Variants in TSEN2 observed in about 807,000 individuals in gnomAD.
TSEN2 encodes tRNA splicing endonuclease subunit 2.
In TSEN2, 54 loss-of-function variants were observed where a neutral mutation model predicts 59.2. The observed-to-expected ratio is 0.91, with a 90% CI of 0.73 to 1.14. The LOEUF is 1.14. TSEN2 is among the 50% of genes most tolerant of loss of function. The pLI, the probability that TSEN2 is intolerant of heterozygous loss-of-function variation, is 0.00. For synonymous variants in TSEN2, 195 were observed against 198.2 expected, an observed-to-expected ratio of 0.98 and a Z score of 0.14; for missense variants, 636 against 576.2, an observed-to-expected ratio of 1.10 and a Z score of -1.06.
At chr3:12,501,698 C>T (rs1450408871) in intron 4 of TSEN2, among the ~76,000 whole-genome samples, 1 of 151,992 alleles carries the variant, frequency 6.6e-6, no homozygotes, top group East Asian at 1.9e-4. Flanking sequence ...GCTGCCGCAT[C>T]GAGCACTGTT....
intron 10 of TSEN2, chr3:12,530,304 C>T (rs2057380916): frequency 1.0e-6 from 1 of 991,684 alleles, no homozygotes; most frequent in Non-Finnish European, 1.2e-6. Flanking sequence ...TTGCTAAGCA[C>T]TTTCCCACCC....
intron 6 of TSEN2, chr3:12,511,219 T>C (rs895977835): frequency 1.3e-5 from 2 of 152,200 alleles, no homozygotes; most frequent in Non-Finnish European, 2.9e-5. Flanking sequence ...TAGGGCGTTA[T>C]TAATTTTTAA....
At position 12,503,519 on chromosome 3, in the gene TSEN2, C is replaced by T; in HGVS notation, c.566C>T (p.Pro189Leu). The T allele has an allele frequency of 6.2e-7, 1 of 1,613,670 alleles. No individual in the cohort carries two copies. Among genetic ancestry groups the T allele is most frequent in the South Asian group, 1.1e-5 (1 of 91,078 alleles). ...KSGGVGDPRE[P>L]LGCLQEGSGC... is the part of the protein sequence containing the mutation. ...GGTGGTGTGGGTGATCCCCGTGAGC[C>T]ATTAGGCTGCCTGCAGGAGGGCTCT... The change falls in exon 5 of 12, where the codon CCA (proline) becomes CTA (leucine). Residue 189 changes from proline to leucine, a missense_variant. Transcript: ENST00000284995.
chr3:12,517,912 T>C (rs3796326), intron 7 of TSEN2, among the ~76,000 whole-genome samples: 2,835 of 152,106 alleles, frequency 0.019, 46 homozygotes, highest in South Asian at 0.06. Context: ...CACACAGGTA[T>C]GGAATTTTTG....
intron 6 of TSEN2, among the ~76,000 whole-genome samples, chr3:12,515,505 C>T (rs1247324627): frequency 6.6e-6 from 1 of 152,200 alleles, no homozygotes; most frequent in Admixed American, 6.5e-5. Context: ...CCCCATTTTA[C>T]CACTGGCTAC....
chr3:12,515,541 C>G lies in TSEN2; in HGVS notation c.910-1070C>G, dbSNP rs556245316. On this transcript the variant is annotated intron_variant, in intron 6 of 11. Coordinates refer to ENST00000284995, the MANE Select transcript of TSEN2 (RefSeq NM_025265.4). ...CATTTGGTCACTACCTGCTCTGCAC[C>G]AATCTCATGGGAATCCCTTCAGTGG... Among the ~76,000 whole-genome samples, 5 of 152,308 alleles carry G rather than the reference C, an allele frequency of 3.3e-5. No individual in the cohort carries two copies. The East Asian group carries it at 9.6e-4, about 29-fold the overall frequency.
chr3:12,492,875 G>A (rs2053361921), intron 3 of TSEN2, among the ~76,000 whole-genome samples: 2 of 152,134 alleles, frequency 1.3e-5, no homozygotes, highest in Non-Finnish European at 2.9e-5. Flanking sequence ...CCCTCATGGA[G>A]GTGAATTTGG....
upstream of TSEN2, among the ~76,000 whole-genome samples, chr3:12,484,042 C>T (rs948661593): frequency 7.2e-5 from 11 of 152,320 alleles, no homozygotes; most frequent in Admixed American, 2.0e-4. Flanking sequence ...CTTGCAAGTT[C>T]CCCGCATGCT....
At chr3:12,482,366 C>G (rs2052202620), upstream of TSEN2, among the ~76,000 whole-genome samples, 1 of 152,166 alleles carries the variant, frequency 6.6e-6, no homozygotes, top group Admixed American at 6.5e-5. Flanking sequence ...GGTGATCCAC[C>G]CGCCTCAGCC....
intron 3 of TSEN2, among the ~76,000 whole-genome samples, chr3:12,494,467 G>A (rs2053540342): frequency 6.6e-6 from 1 of 152,174 alleles, no homozygotes; most frequent in African/African-American, 2.4e-5. Context: ...TCCGATCTCA[G>A]CTCACTGCAT....
intron 6 of TSEN2, among the ~76,000 whole-genome samples, chr3:12,509,911 A>G (rs1385127464): frequency 2.0e-5 from 3 of 152,184 alleles, no homozygotes; most frequent in Non-Finnish European, 2.9e-5. Flanking sequence ...GAAGGGTAAT[A>G]TAATTGGAAG....
intron 8 of TSEN2, among the ~76,000 whole-genome samples, chr3:12,525,722 T>C (rs796680473): frequency 3.2e-4 from 49 of 152,054 alleles, no homozygotes; most frequent in African/African-American, 1.1e-3. Context: ...ACAGCTAATT[T>C]TTTTTTATTA....
chr3:12,480,444 T>C (rs906002811), upstream of TSEN2, among the ~76,000 whole-genome samples: 3 of 152,130 alleles, frequency 2.0e-5, no homozygotes, highest in Admixed American at 6.5e-5. Context: ...TGGTCTTCCC[T>C]GACCTCCAAC....
Position 12,533,484 on chromosome 3 carries a change from G to A in TSEN2, c.*763G>A, listed in dbSNP as rs1559372248. On this transcript the variant is annotated 3_prime_UTR_variant, in exon 12 of 12. Transcript: ENST00000284995. ...GTTGGAGACCAGCTTGGGCAACATG[G>A]TGAAACCTCCTCTCTACTAACAAAA... 6.6e-6 allele frequency: 1 copy of A among 152,220 alleles called. No homozygotes were observed. The allele number at this position is 152,220 out of a possible 1,614,324, so 9.4% of individuals were successfully genotyped here.
chr3:12,484,011 G>C (rs2052332456), upstream of TSEN2, among the ~76,000 whole-genome samples: 1 of 152,232 alleles, frequency 6.6e-6, no homozygotes, highest in South Asian at 2.1e-4. Flanking sequence ...TTCTGGCCAG[G>C]TGTCTGCCAG....
At position 12,529,195 on chromosome 3, in the gene TSEN2, G is replaced by A. The variant is rs191778327; in HGVS notation, c.1136+271G>A. Reference sequence around the variant, plus strand: ...TTTTAACATCACTTAGGCCAGGTGCGGTGGCTCACGCCTGTAATCCCAGCA... The same window carrying A: ...TTTTAACATCACTTAGGCCAGGTGCAGTGGCTCACGCCTGTAATCCCAGCA... On this transcript the variant is annotated intron_variant, in intron 9 of 11. Coordinates refer to ENST00000284995, the MANE Select transcript of TSEN2 (RefSeq NM_025265.4). Among the ~76,000 whole-genome samples, 109 of 152,282 alleles carry A rather than the reference G, an allele frequency of 7.2e-4. 1 individual carries two copies. Among genetic ancestry groups the A allele is most frequent in the African/African-American group, 2.5e-3 (102 of 41,564 alleles).
At chr3:12,498,863 A>C (rs1284759339) in intron 4 of TSEN2, among the ~76,000 whole-genome samples, 1 of 152,236 alleles carries the variant, frequency 6.6e-6, no homozygotes, top group Non-Finnish European at 1.5e-5. Context: ...TGCTAAATAT[A>C]AGAAAAATTG....
chr3:12,513,069 C>A (rs1421626286), intron 6 of TSEN2, among the ~76,000 whole-genome samples: 1 of 152,182 alleles, frequency 6.6e-6, no homozygotes, highest in African/African-American at 2.4e-5. Flanking sequence ...AAAACCAACT[C>A]AGTTGAATTA....
intron 7 of TSEN2, 87 bp from the exon 8 acceptor site, chr3:12,518,972 C>T: frequency 7.5e-7 from 1 of 1,339,482 alleles, no homozygotes; most frequent in South Asian, 1.2e-5. Flanking sequence ...TTCAGCTCCA[C>T]ACTTAGTATA....
Sources: gnomAD v4.1 joint callset for allele counts (sites outside exome capture counted in the v4.1 genomes callset) on GRCh38, gnomAD v4.1.1 for gene constraint, MANE v1.5 for transcripts, NCBI Gene and HGNC (gene_info 2026-07-23, HGNC 2026-07-21) for gene names.